Variants in C2 observed in about 807,000 individuals in gnomAD.
C2 encodes the protein complement C2.
Under a neutral mutation model 85.2 loss-of-function variants are expected in C2, and 64 were observed. That is an observed-to-expected ratio of 0.75 (90% CI 0.61 to 0.92). C2 has a LOEUF of 0.92. Among genes scored for constraint, C2 ranks in the 40% least tolerant of loss-of-function variants. The pLI is 0.00. For missense variants in C2, 820 were observed against 971.6 expected (o/e 0.84, Z 2.07); for synonymous variants, 311 against 370.8 (o/e 0.84, Z 1.85).
rs773857004 is a variant in C2, at chr6:31,944,027, G to C, written c.1810+34G>C. Reference sequence around the variant, plus strand: ...TGGGACTTATGGTGCTTGAGAGCTGGGGCCGGGGTTTGGGGGTGATAACAA... The same window carrying C: ...TGGGACTTATGGTGCTTGAGAGCTGCGGCCGGGGTTTGGGGGTGATAACAA... On this transcript the variant is annotated intron_variant, in intron 14 of 17. Transcript: ENST00000299367. This position sits in a 1 kb window ranked among gnomAD's most constrained non-coding sequence, Gnocchi z 5.1. 1 of 1,608,974 alleles carries C rather than the reference G, an allele frequency of 6.2e-7. No individual in the cohort carries two copies. The highest frequency in any genetic ancestry group is 1.1e-5 in the South Asian group (1 of 90,988).
chr6:31,935,171 G>A lies in C2; in HGVS notation c.850-752G>A, dbSNP rs1044184358. 1.2e-5 allele frequency: 8 copies of A among 641,352 alleles called. No homozygotes were observed. The highest frequency in any genetic ancestry group is 1.6e-5 in the Non-Finnish European group (8 of 515,396). The allele number at this position is 641,352 out of a possible 1,614,324, so 39.7% of individuals were successfully genotyped here. On this transcript the variant is annotated intron_variant, in intron 6 of 17. Transcript: ENST00000299367. The surrounding 1 kb of genome is among the most constrained non-coding windows in gnomAD (Gnocchi z 4.3). Reference sequence around the variant, plus strand: ...TTTTCCCTCCCAGCTACATTTTAAAGAGGGCAGTTTCTGTGCTCTCTTGGG... The same window carrying A: ...TTTTCCCTCCCAGCTACATTTTAAAAAGGGCAGTTTCTGTGCTCTCTTGGG...
chr6:31,937,590 G>C, intron 8 of C2, 131 bp downstream of exon 8: 1 of 1,091,326 alleles, frequency 9.2e-7, no homozygotes, highest in East Asian at 2.4e-5. Flanking sequence ...TTTTAGAGAT[G>C]GGGCCTTGCT....
Position 31,934,169 on chromosome 6 carries a change from G to T in C2, c.719G>T (p.Ser240Ile), listed in dbSNP as rs1409289072. The T allele has an allele frequency of 8.1e-6, 13 of 1,614,072 alleles. No homozygotes were observed. Among genetic ancestry groups the T allele is most frequent in the Non-Finnish European group, 1.1e-5 (13 of 1,180,040 alleles). ...CTCCCCTTCCACATTTCTCCAGAAA[G>T]CCTGGGCCGTAAAATCCAAATCCAG... ...ATNPTQKTKE[S>I]LGRKIQIQRS... The change falls in exon 6 of 18, where the codon AGC becomes ATC. Residue 240 changes from serine (S) to isoleucine (I), a missense_variant. Ser to Ile is a moderately radical substitution (Grantham distance 142). Transcript: ENST00000299367.
At chr6:31,898,530 G>A (rs980812218), upstream of C2, among the ~76,000 whole-genome samples, 1 of 152,136 alleles carries the variant, frequency 6.6e-6, no homozygotes. Context: ...ACACAGGCAG[G>A]TGGGGCACCT....
In C2 at chr6:31,945,274, C is replaced by T. The variant is rs575013894; in HGVS notation, c.2176C>T (p.Arg726Ter). ...CCCTCGTAGCAAGGTCCCGCCGCCACGAGACTTTCACATCAATCTCTTCCG... is the reference window on the plus strand; with the variant it reads ...CCCTCGTAGCAAGGTCCCGCCGCCATGAGACTTTCACATCAATCTCTTCCG... The part of the protein sequence containing the change: ...RAPRSKVPPP[R>*]DFHINLFRMQ... Residue 726 changes from arginine (R) to a stop codon, truncating the protein, a stop_gained, in exon 18 of 18, where the codon CGA becomes TGA. Coordinates refer to ENST00000299367, the MANE Select transcript of C2 (RefSeq NM_000063.6). LOFTEE classifies it high-confidence loss of function. The surrounding 1 kb of genome is among the most constrained non-coding windows in gnomAD (Gnocchi z 5.3). The T allele has an allele frequency of 6.8e-6, 11 of 1,612,924 alleles. No homozygotes were observed. The highest frequency in any genetic ancestry group is 2.2e-5 in the South Asian group (2 of 91,088).
At chr6:31,900,797 G>T, upstream of C2, 1 of 1,597,888 alleles carries the variant, frequency 6.3e-7, no homozygotes, top group Non-Finnish European at 8.5e-7. This position sits in a 1 kb window ranked among gnomAD's most constrained non-coding sequence, Gnocchi z 9.7. Context: ...GGGTAGAGGA[G>T]GTGGGGGTGG....
intron 6 of C2, 169 bp downstream of exon 6, chr6:31,934,468 T>G (rs1165644680): frequency 8.0e-7 from 1 of 1,242,400 alleles, no homozygotes; most frequent in South Asian, 1.2e-5. Context: ...ACAATCATAA[T>G]TTTTATTCCA....
chr6:31,942,704 G>A (rs895132260), intron 9 of C2, among the ~76,000 whole-genome samples: 2 of 152,224 alleles, frequency 1.3e-5, no homozygotes, highest in Non-Finnish European at 1.5e-5. Flanking sequence ...ACTAGGCAGA[G>A]GCACAGCTGG....
upstream of C2, among the ~76,000 whole-genome samples, chr6:31,919,783 C>T (rs1373218498): frequency 6.6e-6 from 1 of 152,192 alleles, no homozygotes; most frequent in Non-Finnish European, 1.5e-5. Flanking sequence ...CTTAAGCTTG[C>T]AGAGACTGCG....
At chr6:31,931,681 C>A (rs1421474951) in intron 3 of C2, among the ~76,000 whole-genome samples, 1 of 152,166 alleles carries the variant, frequency 6.6e-6, no homozygotes, top group Non-Finnish European at 1.5e-5. Context: ...ACAGACACGG[C>A]AACCATCCGA....
At position 31,927,781 on chromosome 6, in the gene C2, T is replaced by C. The variant is rs1562582566; in HGVS notation, c.29T>C (p.Leu10Pro). Residue 10 changes from leucine (L) to proline (P), a missense_variant, in exon 1 of 18, where the codon CTG becomes CCG. Coordinates refer to ENST00000299367, the MANE Select transcript of C2 (RefSeq NM_000063.6). The surrounding 1 kb of genome is among the most constrained non-coding windows in gnomAD (Gnocchi z 4.7). ...GGCCCACTGATGGTTCTTTTTTGCC[T>C]GCTGTTCCTGTACCCAGGTAGGAGG... Reference protein sequence around the residue: MGPLMVLFCLLFLYPGLADS... With the variant: MGPLMVLFCPLFLYPGLADS... 4 of 1,613,786 alleles carry C rather than the reference T, an allele frequency of 2.5e-6. No homozygotes were observed. Among genetic ancestry groups the C allele is most frequent in the Non-Finnish European group, 2.5e-6 (3 of 1,180,016 alleles).
Position 31,935,787 on chromosome 6 carries a change from A to G in C2, c.850-136A>G, listed in dbSNP as rs916660601. The G allele has an allele frequency of 2.4e-5, 23 of 944,842 alleles. No homozygotes were observed. Among genetic ancestry groups the G allele is most frequent in the Non-Finnish European group, 3.9e-5 (23 of 591,436 alleles). The allele number at this position is 944,842 out of a possible 1,614,324, so 58.5% of individuals were successfully genotyped here. A position where few individuals can be genotyped will look rare whatever the true frequency, so the allele number is the denominator to read the frequency against. On this transcript the variant is annotated intron_variant, in intron 6 of 17. Transcript: ENST00000299367. This position sits in a 1 kb window ranked among gnomAD's most constrained non-coding sequence, Gnocchi z 4.3. Reference sequence around the variant, plus strand: ...AGCTTCTTCCTAACAGCCATTTCCTAGTGTCTCCCCTGGTCCTTGCCTCTG... The same window carrying G: ...AGCTTCTTCCTAACAGCCATTTCCTGGTGTCTCCCCTGGTCCTTGCCTCTG...
In C2 at chr6:31,943,709, G is replaced by T; in HGVS notation, c.1633G>T (p.Asp545Tyr). ...IEKAVISPGF[D>Y]VFAKKNQGIL... ...GAAGGCGGTGATCTCCCCAGGGTTTGATGTCTTTGCCAAAAAGAACCAGGG... is the reference window on the plus strand; with the variant it reads ...GAAGGCGGTGATCTCCCCAGGGTTTTATGTCTTTGCCAAAAAGAACCAGGG... The change falls in exon 13 of 18, where the codon GAT (aspartate) becomes TAT (tyrosine). Residue 545 changes from aspartate to tyrosine, a missense_variant. Physicochemically the swap from Asp to Tyr is radical, Grantham distance 160. Transcript: ENST00000299367. This position sits in a 1 kb window ranked among gnomAD's most constrained non-coding sequence, Gnocchi z 6.4. 6.2e-7 allele frequency: 1 copy of T among 1,613,080 alleles called. No homozygotes were observed. The highest frequency in any genetic ancestry group is 2.2e-5 in the East Asian group (1 of 44,892).
chr6:31,931,945 ATCCCCCCACCTCCCTCCCGGACG>A (rs1769814215), intron 3 of C2, among the ~76,000 whole-genome samples: 1 of 72,022 alleles, frequency 1.4e-5, no homozygotes, highest in African/African-American at 4.1e-5. Flanking sequence ...CGGGGGGCTG[ATCCCCCCACCTCCCTCCCGGACG>A]GGGCGGCTGG....
chr6:31,899,037 A>G (rs1233644955), upstream of C2, among the ~76,000 whole-genome samples: 1 of 151,984 alleles, frequency 6.6e-6, no homozygotes, highest in African/African-American at 2.4e-5. Context: ...AGGGCAGGAT[A>G]GTCATGTACA....
At chr6:31,918,012 T>A (rs989977244), upstream of C2, among the ~76,000 whole-genome samples, 3 of 152,058 alleles carry the variant, frequency 2.0e-5, no homozygotes, top group Non-Finnish European at 2.9e-5. Flanking sequence ...CGTAAAAAAA[T>A]TTTTAATGAA....
Position 31,904,806 on chromosome 6 carries a change from C to T in C2, c.73+3667C>T, listed in dbSNP as rs1157019247. Among the ~76,000 whole-genome samples, 1 of 42,716 alleles carries T rather than the reference C, an allele frequency of 2.3e-5. No homozygotes were observed. Among genetic ancestry groups the T allele is most frequent in the Non-Finnish European group, 3.8e-5 (1 of 26,608 alleles). 28.0% of individuals were successfully genotyped at this position (42,716 alleles called of 152,430 possible). ...TTCCTTTCTAGGAATGTAGATGGGA[C>T]AGGGGGCCTAACTCAGCCCATGGCT... On this transcript the variant is annotated intron_variant, in intron 1 of 3. Coordinates refer to the C2 transcript ENST00000452202. This position sits in a 1 kb window ranked among gnomAD's most constrained non-coding sequence, Gnocchi z 4.4.
chr6:31,902,455 G>C (rs554917044), intron 1 of C2, among the ~76,000 whole-genome samples: 1 of 152,240 alleles, frequency 6.6e-6, no homozygotes, highest in Admixed American at 6.5e-5. Flanking sequence ...TGCTCCCAGG[G>C]GTGGTGCGTC....
chr6:31,943,129 G>GCACACC lies in C2; in HGVS notation c.1360+30_1360+31insCACACC, dbSNP rs1405389236. 8.7e-6 allele frequency: 14 copies of GCACACC among 1,612,772 alleles called. No homozygotes were observed. The highest frequency in any genetic ancestry group is 1.2e-5 in the Non-Finnish European group (14 of 1,179,930). ...GTGAGCTTTGCCCTCCTTGGTGTGG[G>GCACACC]GAGGATGGTGAGGAGCCCGCCAGAG... On this transcript the variant is annotated intron_variant, in intron 10 of 17. Transcript: ENST00000299367. The surrounding 1 kb of genome is among the most constrained non-coding windows in gnomAD (Gnocchi z 6.4).
Sources: gnomAD v4.1 joint callset for allele counts (sites outside exome capture counted in the v4.1 genomes callset) on GRCh38, gnomAD v4.1.1 for gene constraint, Gnocchi (gnomAD v3.1) non-coding constraint, MANE v1.5 for transcripts, NCBI Gene and HGNC (gene_info 2026-07-23, HGNC 2026-07-21) for gene names.